The following PGM2L1 variants were observed in gnomAD, a reference collection of about 807,000 sequenced individuals.
The protein encoded by PGM2L1 is phosphoglucomutase 2 like 1.
Under a neutral mutation model 73.4 loss-of-function variants are expected in PGM2L1, and 35 were observed. The observed-to-expected ratio is 0.48, with a 90% CI of 0.36 to 0.63. The LOEUF is 0.63. Ranked by LOEUF, PGM2L1 falls within the 30% of genes least tolerant of loss-of-function variation. The pLI, the probability that PGM2L1 is intolerant of heterozygous loss-of-function variation, is 0.00. For missense variants in PGM2L1, 570 were observed against 742.0 expected, an observed-to-expected ratio of 0.77 and a Z score of 2.69; for synonymous variants, 225 against 253.8, an observed-to-expected ratio of 0.89 and a Z score of 1.08.
At position 74,346,270 on chromosome 11, in the gene PGM2L1, C is replaced by CAAAAAAAAAAAAAAAAAAAAA. The variant is rs751742460; in HGVS notation, c.1037+441_1037+461dup. Among the ~76,000 whole-genome samples the CAAAAAAAAAAAAAAAAAAAAA allele has an allele frequency of 2.2e-4, 13 of 57,880 alleles. 2 individuals are homozygous for CAAAAAAAAAAAAAAAAAAAAA. The highest frequency in any genetic ancestry group is 4.1e-4 in the African/African-American group (6 of 14,612). 38.0% of individuals were successfully genotyped at this position (57,880 alleles called of 152,430 possible). The stretch of plus-strand genomic sequence containing the variant: ...AGCAACAAGAGCGAAACTATGTCTC[C>CAAAAAAAAAAAAAAAAAAAAA]AAAAAAAAAAAAAAAAAAAAAAAAA... On this transcript the variant is annotated intron_variant, in intron 8 of 13. Transcript: ENST00000298198.
Position 74,398,117 on chromosome 11 carries a change from G to A in PGM2L1, c.45C>T (p.His15=), listed in dbSNP as rs747333499. ...GAGGGTCCCCGGTGTGGTAGGGGGC[G>A]TGGAGCAGGTTGGAGTTCAGATCCC... ...TEGDLNSNLL[H]APYHTGDPQL... Residue 15 remains histidine (H), a synonymous_variant, in exon 1 of 14, where the codon CAC becomes CAT. Coordinates refer to ENST00000298198, the MANE Select transcript of PGM2L1 (RefSeq NM_173582.6). The A allele has an allele frequency of 1.2e-6, 2 of 1,613,142 alleles. No homozygotes were observed. Among genetic ancestry groups the A allele is most frequent in the South Asian group, 1.1e-5 (1 of 90,982 alleles).
Position 74,336,547 on chromosome 11 carries a change from G to A in PGM2L1, c.*105C>T, listed in dbSNP as rs1352782941. ...GAAAATAAAAGGAAAAAGATACTCG[G>A]CCAGATGAGATAGAGAGAGAATGCT... On this transcript the variant is annotated 3_prime_UTR_variant, in exon 14 of 14. Transcript: ENST00000298198. The A allele has an allele frequency of 1.9e-5, 12 of 617,904 alleles. No homozygotes were observed. Among genetic ancestry groups the A allele is most frequent in the Admixed American group, 1.2e-4 (4 of 32,320 alleles). The allele number at this position is 617,904 out of a possible 1,614,324, so 38.3% of individuals were successfully genotyped here.
intron 13 of PGM2L1, 56 bp from the exon 14 acceptor site, chr11:74,336,810 T>C (rs1591162022): frequency 1.6e-6 from 2 of 1,226,754 alleles, no homozygotes; most frequent in East Asian, 2.5e-5. Context: ...TTAAAATTTA[T>C]TTAAATTAGT....
At chr11:74,350,160 G>C (rs1862328019) in intron 6 of PGM2L1, among the ~76,000 whole-genome samples, 1 of 152,208 alleles carries the variant, frequency 6.6e-6, no homozygotes, top group African/African-American at 2.4e-5. Flanking sequence ...GTAGCATTTA[G>C]CTAGTATTAC....
chr11:74,387,567 C>G (rs1173253498), intron 1 of PGM2L1, among the ~76,000 whole-genome samples: 1 of 152,182 alleles, frequency 6.6e-6, no homozygotes, highest in Non-Finnish European at 1.5e-5. Context: ...TGCTCAGTTT[C>G]ATTTCCCTGA....
At chr11:74,340,983 G>C (rs1862173886) in intron 12 of PGM2L1, among the ~76,000 whole-genome samples, 1 of 152,182 alleles carries the variant, frequency 6.6e-6, no homozygotes, top group African/African-American at 2.4e-5. Context: ...TATTTGGCTG[G>C]AGGTATAGGG....
chr11:74,349,346 C>G (rs915658347), intron 6 of PGM2L1, among the ~76,000 whole-genome samples: 5 of 152,146 alleles, frequency 3.3e-5, no homozygotes, highest in African/African-American at 1.2e-4. Flanking sequence ...TACTAACAGT[C>G]ATGGGCTTTT....
intron 1 of PGM2L1, 34 bp from the exon 2 acceptor site, chr11:74,374,616 A>G: frequency 6.3e-7 from 1 of 1,585,718 alleles, no homozygotes; most frequent in Non-Finnish European, 8.6e-7. Flanking sequence ...TTAACCAGGA[A>G]TCCAAGCAGA....
intron 5 of PGM2L1, among the ~76,000 whole-genome samples, chr11:74,366,668 A>C (rs1348608408): frequency 6.6e-6 from 1 of 151,976 alleles, no homozygotes; most frequent in Non-Finnish European, 1.5e-5. Flanking sequence ...ACAATTATAA[A>C]GTCTCAGAGG....
rs1402299819 is a variant in PGM2L1 at position 74,359,535 on chromosome 11, CTA to C, written c.556-7961_556-7960del. Reference sequence around the variant, plus strand: ...CACATGTATGTGTATATATGTACATCTATATGTGTGTATATATACACGTACAT... The same window carrying C: ...CACATGTATGTGTATATATGTACATCTATGTGTGTATATATACACGTACAT... On this transcript the variant is annotated intron_variant, in intron 5 of 13. Transcript: ENST00000298198. 2.7e-5 allele frequency among the ~76,000 whole-genome samples: 4 copies of C among 149,034 alleles called. No individual in the cohort carries two copies. In the South Asian group the frequency reaches 8.6e-4, roughly 32 times the overall value.
chr11:74,353,810 C>T (rs945182762), intron 5 of PGM2L1, among the ~76,000 whole-genome samples: 1 of 146,230 alleles, frequency 6.8e-6, no homozygotes, highest in African/African-American at 2.5e-5. Flanking sequence ...TAGACAAAAC[C>T]GCCATCGCCA....
chr11:74,397,818 G>C (rs1863201613), intron 1 of PGM2L1: 1 of 427,554 alleles, frequency 2.3e-6, no homozygotes. Context: ...AAGAGGAAGG[G>C]AGGTTACAAT....
chr11:74,383,824 A>AATAAATAAATATATATATATATATAT lies in PGM2L1; in HGVS notation c.112-9243_112-9242insATATATATATATATATATTTATTTAT, dbSNP rs61026077. Among the ~76,000 whole-genome samples, 74 of 121,818 alleles carry AATAAATAAATATATATATATATATAT rather than the reference A, an allele frequency of 6.1e-4. 1 individual carries two copies. Among genetic ancestry groups the AATAAATAAATATATATATATATATAT allele is most frequent in the African/African-American group, 5.9e-4 (17 of 28,684 alleles). The allele number at this position is 121,818 out of a possible 152,430, so 79.9% of individuals were successfully genotyped here. On this transcript the variant is annotated intron_variant, in intron 1 of 13. Coordinates refer to ENST00000298198, the MANE Select transcript of PGM2L1 (RefSeq NM_173582.6). ...AGTATTCTATGGAGATATATAAATA[A>AATAAATAAATATATATATATATATAT]ATATATATATATATATATAACATTT...
chr11:74,353,875 C>CAGAGG (rs1383228606), intron 5 of PGM2L1, among the ~76,000 whole-genome samples: 1 of 148,034 alleles, frequency 6.8e-6, no homozygotes, highest in Non-Finnish European at 1.5e-5. Flanking sequence ...GGGTGGCTGC[C>CAGAGG]GGGCGGGGGC....
chr11:74,338,155 G>A (rs562703260), intron 13 of PGM2L1, among the ~76,000 whole-genome samples: 1 of 152,258 alleles, frequency 6.6e-6, no homozygotes, highest in Non-Finnish European at 1.5e-5. Context: ...GTAAAAGACG[G>A]CAGTCACAAA....
At chr11:74,350,889 AAGAAAGAAAG>A (rs200339159) in intron 6 of PGM2L1, among the ~76,000 whole-genome samples, 4,912 of 129,636 alleles carry the variant, frequency 0.038, 110 homozygotes, top group Non-Finnish European at 0.059. Context: ...AAAAAAAGGA[AAGAAAGAAAG>A]AGAGAGAGAG....
At chr11:74,382,874 T>C (rs902802647) in intron 1 of PGM2L1, among the ~76,000 whole-genome samples, 26 of 152,172 alleles carry the variant, frequency 1.7e-4, no homozygotes, top group African/African-American at 6.0e-4. Flanking sequence ...CACCTTTCAA[T>C]TGAGGAGTAC....
chr11:74,367,079 GA>G (rs1862671877), intron 5 of PGM2L1, among the ~76,000 whole-genome samples: 1 of 152,136 alleles, frequency 6.6e-6, no homozygotes, highest in Non-Finnish European at 1.5e-5. Flanking sequence ...CCCGTTAGTA[GA>G]TAAAATGTTA....
intron 1 of PGM2L1, among the ~76,000 whole-genome samples, chr11:74,376,506 T>C (rs1430012177): frequency 6.6e-6 from 1 of 150,884 alleles, no homozygotes; most frequent in Non-Finnish European, 1.5e-5. Flanking sequence ...AGTATATATG[T>C]GTGTATATAT....
Sources: allele counts gnomAD v4.1 joint callset (sites outside exome capture counted in the v4.1 genomes callset), GRCh38; gene constraint gnomAD v4.1.1; transcripts MANE v1.5; gene names NCBI Gene and HGNC (gene_info 2026-07-23, HGNC 2026-07-21).